GPC5: variants seen among roughly 807,000 people sequenced by gnomAD.
The protein encoded by GPC5 is glypican-5.
Under a neutral mutation model 53.9 loss-of-function variants are expected in GPC5, and 47 were observed. The ratio of observed to expected loss-of-function variants is 0.87; its 90% CI spans 0.69 to 1.11. The LOEUF is 1.11. GPC5 is among the 50% of genes most tolerant of loss of function. The probability of loss-of-function intolerance (pLI) is 0.00; values close to 1 mark genes in which losing one functional copy is unlikely to be tolerated. For missense variants in GPC5, 748 were observed against 713.1 expected (o/e 1.05, Z -0.56); for synonymous variants, 286 against 263.3 (o/e 1.09, Z -0.84).
chr13:92,559,207 T>A lies in GPC5; in HGVS notation c.1562-307075T>A, dbSNP rs556588355. Among the ~76,000 whole-genome samples, 18 of 151,722 alleles carry A rather than the reference T, an allele frequency of 1.2e-4. No individual in the cohort carries two copies. The South Asian group carries it at 1.3e-3, about 11-fold the overall frequency. On this transcript the variant is annotated intron_variant, in intron 7 of 7. Transcript: ENST00000377067. ...TTAAGGAGGTGGAGATTCCTTAGAT[T>A]GAATGGAAAAGCATAAAATGCAATG...
At chr13:92,601,239 A>G (rs1884040155) in intron 7 of GPC5, among the ~76,000 whole-genome samples, 1 of 152,168 alleles carries the variant, frequency 6.6e-6, no homozygotes, top group African/African-American at 2.4e-5. Context: ...GTACCACCTT[A>G]GAGCAATCTT....
intron 7 of GPC5, among the ~76,000 whole-genome samples, chr13:92,790,490 GAC>G (rs1167683224): frequency 6.6e-6 from 1 of 152,056 alleles, no homozygotes; most frequent in Non-Finnish European, 1.5e-5. Context: ...AGAGAAGAAA[GAC>G]AGCTAAAATT....
chr13:92,408,210 C>T (rs556682286), intron 7 of GPC5, among the ~76,000 whole-genome samples: 15 of 152,112 alleles, frequency 9.9e-5, no homozygotes, highest in Non-Finnish European at 1.9e-4. Flanking sequence ...TAATCTAATG[C>T]CTGATGATCT....
In GPC5 at chr13:91,689,227, A is replaced by T. The variant is rs1451965952; in HGVS notation, c.326-3960A>T. On this transcript the variant is annotated intron_variant, in intron 2 of 7. Coordinates refer to ENST00000377067, the MANE Select transcript of GPC5 (RefSeq NM_004466.6). ...TATATATATATATATATATATATAT[A>T]TATACACATATAAAATTATGGTATA... Among the ~76,000 whole-genome samples, 137 of 102,710 alleles carry T rather than the reference A, an allele frequency of 1.3e-3. 1 individual carries two copies. The highest frequency in any genetic ancestry group is 5.4e-3 in the African/African-American group (123 of 22,918). The allele number at this position is 102,710 out of a possible 152,430, so 67.4% of individuals were successfully genotyped here. A position where few individuals can be genotyped will look rare whatever the true frequency, so the allele number is the denominator to read the frequency against.
In GPC5 at chr13:91,722,556, G is replaced by A. The variant is rs544085759; in HGVS notation, c.1021-5976G>A. 2.7e-3 allele frequency among the ~76,000 whole-genome samples: 417 copies of A among 152,208 alleles called. 4 individuals are homozygous for A. Among genetic ancestry groups the A allele is most frequent in the African/African-American group, 9.6e-3 (397 of 41,538 alleles). ...TGGAATCAAGATTCTTTTCACAGTG[G>A]GGCCAATAGGAGATTATTAAAACGT... On this transcript the variant is annotated intron_variant, in intron 3 of 7. Coordinates refer to ENST00000377067, the MANE Select transcript of GPC5 (RefSeq NM_004466.6).
intron 6 of GPC5, among the ~76,000 whole-genome samples, chr13:92,143,979 C>T (rs938010913): frequency 2.6e-5 from 4 of 152,136 alleles, no homozygotes; most frequent in Admixed American, 2.0e-4. Context: ...AGTGCTCACA[C>T]TTGGCCATGT....
At chr13:92,350,892 A>G (rs2043471905) in intron 7 of GPC5, among the ~76,000 whole-genome samples, 2 of 152,152 alleles carry the variant, frequency 1.3e-5, no homozygotes, top group Non-Finnish European at 2.9e-5. Context: ...GAATAAAAAT[A>G]TAGATATCAA....
At chr13:92,720,985 T>C (rs1389972563) in intron 7 of GPC5, among the ~76,000 whole-genome samples, 3 of 152,036 alleles carry the variant, frequency 2.0e-5, no homozygotes, top group Non-Finnish European at 4.4e-5. Context: ...AAGTGTTTTC[T>C]CTCTCTGTAT....
At chr13:92,777,335 C>CAAAAAAAAA (rs71202561) in intron 7 of GPC5, among the ~76,000 whole-genome samples, 2 of 63,462 alleles carry the variant, frequency 3.2e-5, no homozygotes, top group Non-Finnish European at 3.1e-5. Context: ...GACTCCATCT[C>CAAAAAAAAA]AAAAAAAAAA....
intron 7 of GPC5, among the ~76,000 whole-genome samples, chr13:92,476,900 G>C (rs1478511872): frequency 8.6e-6 from 1 of 116,436 alleles, no homozygotes; most frequent in Admixed American, 9.5e-5. Context: ...GTTGTGGGGT[G>C]GGGGGAGGGG....
At chr13:91,899,742 T>C (rs956136374) in intron 5 of GPC5, among the ~76,000 whole-genome samples, 3 of 152,114 alleles carry the variant, frequency 2.0e-5, no homozygotes, top group African/African-American at 7.2e-5. Flanking sequence ...CATGTGAAGA[T>C]GGAGACAGAA....
intron 7 of GPC5, among the ~76,000 whole-genome samples, chr13:92,505,244 C>T (rs1387193251): frequency 6.6e-6 from 1 of 151,698 alleles, no homozygotes; most frequent in Non-Finnish European, 1.5e-5. Context: ...GAGCTGTATT[C>T]AGAATATATA....
At chr13:92,662,752 G>A (rs1886392958) in intron 7 of GPC5, among the ~76,000 whole-genome samples, 1 of 152,132 alleles carries the variant, frequency 6.6e-6, no homozygotes, top group East Asian at 1.9e-4. Context: ...CCATAGTCTG[G>A]ATTATAGTAG....
At position 91,761,810 on chromosome 13, in the gene GPC5, G is replaced by A. The variant is rs567195426; in HGVS notation, c.1280+5390G>A. 7.2e-5 allele frequency among the ~76,000 whole-genome samples: 11 copies of A among 152,152 alleles called. No individual in the cohort carries two copies. In the South Asian group the frequency reaches 2.3e-3, roughly 32 times the overall value. ...GAATATTTATGGAGACTTCATTATG[G>A]AGACAACATTAATTTTGCCATTGGC... On this transcript the variant is annotated intron_variant, in intron 5 of 7. Transcript: ENST00000377067.
chr13:92,806,517 C>T (rs533533089), intron 7 of GPC5, among the ~76,000 whole-genome samples: 1 of 152,202 alleles, frequency 6.6e-6, no homozygotes, highest in South Asian at 2.1e-4. Context: ...TCATAGCTTT[C>T]AACTTGCCTT....
intron 7 of GPC5, among the ~76,000 whole-genome samples, chr13:92,147,736 C>G (rs1251417039): frequency 6.6e-6 from 1 of 152,058 alleles, no homozygotes; most frequent in Non-Finnish European, 1.5e-5. Flanking sequence ...CACATCTGCT[C>G]TAAGTGGGTT....
intron 6 of GPC5, among the ~76,000 whole-genome samples, chr13:92,134,794 C>A (rs1290173774): frequency 6.6e-6 from 1 of 151,928 alleles, no homozygotes; most frequent in Admixed American, 6.6e-5. Context: ...AGTTTTCTTG[C>A]CTCTTTCTCT....
chr13:92,772,847 C>T (rs964345093), intron 7 of GPC5, among the ~76,000 whole-genome samples: 5 of 152,260 alleles, frequency 3.3e-5, no homozygotes, highest in African/African-American at 9.6e-5. Flanking sequence ...GACATATACT[C>T]TGCCAAATAG....
At chr13:92,737,792 G>A (rs1388657777) in intron 7 of GPC5, among the ~76,000 whole-genome samples, 1 of 114,842 alleles carries the variant, frequency 8.7e-6, no homozygotes, top group Non-Finnish European at 1.7e-5. Flanking sequence ...TTGAGAGGGA[G>A]TTTCACTCTT....
Sources: gnomAD v4.1 joint callset for allele counts (sites outside exome capture counted in the v4.1 genomes callset) on GRCh38, gnomAD v4.1.1 for gene constraint, MANE v1.5 for transcripts, NCBI Gene and HGNC (gene_info 2026-07-23, HGNC 2026-07-21) for gene names.